KCNH5: variants seen among roughly 807,000 people sequenced by gnomAD.
KCNH5 encodes the protein voltage-gated delayed rectifier potassium channel KCNH5.
KCNH5 carries 46 observed loss-of-function variants against 96.1 expected under a neutral mutation model. The ratio of observed to expected loss-of-function variants is 0.48; its 90% CI spans 0.38 to 0.61. The LOEUF is 0.61. Among genes scored for constraint, KCNH5 ranks in the 20% least tolerant of loss-of-function variants. The pLI is 0.00. For synonymous variants in KCNH5, 439 were observed against 449.8 expected (o/e 0.98, Z 0.30); for missense variants, 907 against 1,225.8 (o/e 0.74, Z 3.88).
chr14:62,829,463 A>C (rs1417814693), intron 8 of KCNH5, among the ~76,000 whole-genome samples: 1 of 152,214 alleles, frequency 6.6e-6, no homozygotes, highest in Non-Finnish European at 1.5e-5. Flanking sequence ...AGGCTCCCAA[A>C]GTTTGAGTCT....
At chr14:63,003,086 A>G (rs1296053715) in intron 3 of KCNH5, among the ~76,000 whole-genome samples, 1 of 152,182 alleles carries the variant, frequency 6.6e-6, no homozygotes, top group Non-Finnish European at 1.5e-5. Context: ...AAGGTCTGTT[A>G]GAAATCTGAA....
intron 7 of KCNH5, among the ~76,000 whole-genome samples, chr14:62,906,173 C>T (rs1029115634): frequency 6.6e-6 from 1 of 152,130 alleles, no homozygotes; most frequent in Non-Finnish European, 1.5e-5. Context: ...CCATGCTAGG[C>T]TTTGGTTAGG....
At chr14:62,720,012 C>T (rs1203578745) in intron 10 of KCNH5, among the ~76,000 whole-genome samples, 1 of 152,156 alleles carries the variant, frequency 6.6e-6, no homozygotes, top group African/African-American at 2.4e-5. Context: ...TGATGTCTGA[C>T]GGTGAAGGGG....
intron 10 of KCNH5, among the ~76,000 whole-genome samples, chr14:62,721,062 TA>T (rs2139913557): frequency 6.6e-6 from 1 of 152,326 alleles, no homozygotes; most frequent in South Asian, 2.1e-4. Context: ...GGCAGTGGAA[TA>T]AATTCCTTTA....
At chr14:62,716,409 A>G (rs1369194101) in intron 10 of KCNH5, among the ~76,000 whole-genome samples, 1 of 152,352 alleles carries the variant, frequency 6.6e-6, no homozygotes, top group East Asian at 1.9e-4. Flanking sequence ...CTTAGTAAGA[A>G]GTCAGCAATC....
At chr14:62,803,351 A>C (rs927470253) in intron 8 of KCNH5, among the ~76,000 whole-genome samples, 4 of 152,326 alleles carry the variant, frequency 2.6e-5, no homozygotes, top group African/African-American at 9.6e-5. Flanking sequence ...GCACCCTGGC[A>C]ACTTGACATA....
chr14:62,872,042 T>C (rs1244797967), intron 7 of KCNH5, among the ~76,000 whole-genome samples: 2 of 152,204 alleles, frequency 1.3e-5, no homozygotes, highest in African/African-American at 4.8e-5. Context: ...TCAATGGGAA[T>C]TTTCTAATCA....
intron 10 of KCNH5, among the ~76,000 whole-genome samples, chr14:62,758,507 C>T (rs959857084): frequency 3.3e-5 from 5 of 152,204 alleles, no homozygotes; most frequent in Non-Finnish European, 5.9e-5. Flanking sequence ...TTTTCTGCTA[C>T]TCTTCTCTCA....
At chr14:62,827,146 T>C (rs77894970) in intron 8 of KCNH5, among the ~76,000 whole-genome samples, 1,961 of 152,190 alleles carry the variant, frequency 0.013, 37 homozygotes, top group African/African-American at 0.045. Flanking sequence ...GGAACAAAAA[T>C]GTAATAAAGA....
chr14:62,947,894 G>T (rs562132149), intron 7 of KCNH5, among the ~76,000 whole-genome samples: 1 of 151,748 alleles, frequency 6.6e-6, no homozygotes, highest in African/African-American at 2.4e-5. Flanking sequence ...AGTTACATAC[G>T]TATACATGTG....
At chr14:62,952,188 T>C (rs1343981114) in intron 6 of KCNH5, among the ~76,000 whole-genome samples, 1 of 152,164 alleles carries the variant, frequency 6.6e-6, no homozygotes, top group East Asian at 1.9e-4. Flanking sequence ...TCTATTTAAG[T>C]TGAAACTCTC....
chr14:63,015,492 C>T (rs902010320), intron 2 of KCNH5, among the ~76,000 whole-genome samples: 12 of 151,912 alleles, frequency 7.9e-5, no homozygotes, highest in Non-Finnish European at 1.0e-4. Flanking sequence ...TCTGTATGTA[C>T]GTATATATAC....
At chr14:63,008,330 A>T (rs1487689173) in intron 2 of KCNH5, among the ~76,000 whole-genome samples, 1 of 152,168 alleles carries the variant, frequency 6.6e-6, no homozygotes. Flanking sequence ...GTTCAGCTTC[A>T]TTATAGGCTC....
chr14:62,871,612 T>G (rs1888255954), intron 7 of KCNH5, among the ~76,000 whole-genome samples: 1 of 152,158 alleles, frequency 6.6e-6, no homozygotes, highest in Non-Finnish European at 1.5e-5. Flanking sequence ...ACATTAGCTG[T>G]GTTGATTCTG....
At chr14:62,929,898 T>C (rs1889547810) in intron 7 of KCNH5, among the ~76,000 whole-genome samples, 3 of 152,096 alleles carry the variant, frequency 2.0e-5, no homozygotes, top group Admixed American at 2.0e-4. Flanking sequence ...AGTTTTCTGT[T>C]TCTGCAGTAA....
chr14:62,746,109 A>G (rs1237782043), intron 10 of KCNH5, among the ~76,000 whole-genome samples: 1 of 152,088 alleles, frequency 6.6e-6, no homozygotes, highest in Non-Finnish European at 1.5e-5. Flanking sequence ...AAATTTTACA[A>G]TTTTCTCACG....
intron 9 of KCNH5, among the ~76,000 whole-genome samples, chr14:62,796,557 C>T (rs1173298679): frequency 6.6e-6 from 1 of 152,138 alleles, no homozygotes; most frequent in Non-Finnish European, 1.5e-5. Flanking sequence ...ATAACTCTAA[C>T]CCTATGATTC....
intron 7 of KCNH5, among the ~76,000 whole-genome samples, chr14:62,940,998 G>C (rs150575385): frequency 2.3e-4 from 35 of 152,336 alleles, no homozygotes; most frequent in African/African-American, 8.2e-4. Context: ...TGGACATTGA[G>C]ATGGGGATGG....
chr14:63,044,832 G>A (rs1283742771), intron 1 of KCNH5, among the ~76,000 whole-genome samples: 2 of 152,158 alleles, frequency 1.3e-5, no homozygotes, highest in Non-Finnish European at 2.9e-5. Context: ...TGTTCCAGAT[G>A]TACCTACACC....
Sources: gnomAD v4.1 joint callset for allele counts (sites outside exome capture counted in the v4.1 genomes callset) on GRCh38, gnomAD v4.1.1 for gene constraint, MANE v1.5 for transcripts, NCBI Gene and HGNC (gene_info 2026-07-23, HGNC 2026-07-21) for gene names.